Variants in LRP1B observed in about 807,000 individuals in gnomAD.
LRP1B encodes LDL receptor related protein 1B, also known as low-density lipoprotein receptor-related protein 1B.
A neutral mutation model predicts 556.6 loss-of-function variants in LRP1B; 217 were observed. The ratio of observed to expected loss-of-function variants is 0.39; its 90% CI spans 0.35 to 0.44. The LOEUF (loss-of-function observed/expected upper bound fraction) is 0.44. LRP1B is among the 20% of genes least tolerant of loss of function. The pLI is 1.00. For missense variants in LRP1B, 5,053 were observed against 5,620.8 expected (o/e 0.90, Z 3.23); for synonymous variants, 2,047 against 1,865.8 (o/e 1.10, Z -2.50).
rs1686587070 is a variant in LRP1B, at chr2:140,700,340, C to T, written c.6709G>A (p.Gly2237Ser). The T allele has an allele frequency of 6.2e-7, 1 of 1,612,930 alleles. No homozygotes were observed. Among genetic ancestry groups the T allele is most frequent in the Non-Finnish European group, 8.5e-7 (1 of 1,179,500 alleles). The change falls in exon 41 of 91, where the codon GGT becomes AGT. Residue 2237 changes from glycine to serine, a missense_variant. Physicochemically the swap from Gly to Ser is moderately conservative, Grantham distance 56. This residue lies in a region of LRP1B where 3,619 missense variants were observed against 3,931.9 expected (regional missense o/e 0.92). Transcript: ENST00000389484. ...TCACTGTAAAAGATTCGGTTGGTAC[C>T]TTTTCTTCTTTGATTATAGTCAAAA... Reference protein sequence around the residue: ...LAFDYNQRRKGTNRIFYSDAH... With the variant: ...LAFDYNQRRKSTNRIFYSDAH...
chr2:141,837,470 G>A (rs1697324035), intron 1 of LRP1B, among the ~76,000 whole-genome samples: 3 of 151,922 alleles, frequency 2.0e-5, no homozygotes, highest in African/African-American at 2.4e-5. Context: ...GAGAAGTTAT[G>A]ATGAAAAAAT....
At chr2:141,923,486 G>GTA (rs1700251766) in intron 1 of LRP1B, among the ~76,000 whole-genome samples, 1 of 60,746 alleles carries the variant, frequency 1.6e-5, no homozygotes, top group Non-Finnish European at 4.2e-5. Context: ...GTGTGTGTGT[G>GTA]TAGAGAGAGG....
At chr2:140,477,707 A>G (rs142712132) in intron 59 of LRP1B, among the ~76,000 whole-genome samples, 2 of 152,310 alleles carry the variant, frequency 1.3e-5, no homozygotes, top group African/African-American at 4.8e-5. Flanking sequence ...TAGTCTTACC[A>G]TCATCATGAA....
intron 63 of LRP1B, among the ~76,000 whole-genome samples, chr2:140,447,928 G>C (rs1686733954): frequency 6.6e-6 from 1 of 152,012 alleles, no homozygotes; most frequent in Admixed American, 6.6e-5. Flanking sequence ...GGGTTGGTAG[G>C]CAGCCAGAAC....
At chr2:141,226,955 A>G (rs1181111076) in intron 6 of LRP1B, among the ~76,000 whole-genome samples, 3 of 152,138 alleles carry the variant, frequency 2.0e-5, no homozygotes, top group Non-Finnish European at 4.4e-5. Context: ...CAAATTATTT[A>G]CTCAGATTAA....
At chr2:141,181,651 A>G (rs941330699) in intron 7 of LRP1B, among the ~76,000 whole-genome samples, 9 of 151,972 alleles carry the variant, frequency 5.9e-5, no homozygotes, top group Non-Finnish European at 8.8e-5. Flanking sequence ...GCGCAATGAG[A>G]GTCAAATCAA....
intron 3 of LRP1B, among the ~76,000 whole-genome samples, chr2:141,275,096 G>A (rs1685235083): frequency 6.6e-6 from 1 of 152,188 alleles, no homozygotes; most frequent in Non-Finnish European, 1.5e-5. Context: ...CAGGAGGCTG[G>A]TAAAAGGAAA....
intron 11 of LRP1B, among the ~76,000 whole-genome samples, chr2:141,042,279 ATGCTT>A (rs1399574429): frequency 6.6e-6 from 1 of 152,196 alleles, no homozygotes; most frequent in East Asian, 1.9e-4. Context: ...ATCAACAGGC[ATGCTT>A]ATTGTTAAGA....
At chr2:141,717,317 T>C (rs12691619) in intron 2 of LRP1B, among the ~76,000 whole-genome samples, 29,238 of 152,180 alleles carry the variant, frequency 0.19, 2,987 homozygotes, top group East Asian at 0.25. Flanking sequence ...AATACTAGTT[T>C]ACCTGCATGA....
At chr2:140,995,407 T>G (rs915999988) in intron 15 of LRP1B, among the ~76,000 whole-genome samples, 1 of 152,068 alleles carries the variant, frequency 6.6e-6, no homozygotes, top group Non-Finnish European at 1.5e-5. Context: ...ATTTGACTTT[T>G]AACAACTAAG....
intron 2 of LRP1B, among the ~76,000 whole-genome samples, chr2:141,640,191 G>T (rs1689279449): frequency 6.6e-6 from 1 of 151,950 alleles, no homozygotes; most frequent in Non-Finnish European, 1.5e-5. Flanking sequence ...GGATTCATTT[G>T]TTTCCCTGAG....
intron 7 of LRP1B, among the ~76,000 whole-genome samples, chr2:141,066,278 T>C (rs1014063122): frequency 6.6e-6 from 1 of 151,994 alleles, no homozygotes; most frequent in Non-Finnish European, 1.5e-5. Flanking sequence ...TGGGAAACTG[T>C]TTTTGTCTGA....
At chr2:140,678,433 C>T (rs1438735024) in intron 41 of LRP1B, among the ~76,000 whole-genome samples, 1 of 152,124 alleles carries the variant, frequency 6.6e-6, no homozygotes, top group African/African-American at 2.4e-5. Context: ...CATTTCTTAT[C>T]TGTGAGACTT....
At chr2:142,087,055 T>A (rs1419230025) in intron 1 of LRP1B, among the ~76,000 whole-genome samples, 1 of 152,198 alleles carries the variant, frequency 6.6e-6, no homozygotes, top group Non-Finnish European at 1.5e-5. Flanking sequence ...TCAGTTCCCT[T>A]GTTGGCTAAT....
intron 37 of LRP1B, among the ~76,000 whole-genome samples, chr2:140,710,193 T>C (rs1686984392): frequency 6.6e-6 from 1 of 152,064 alleles, no homozygotes; most frequent in Non-Finnish European, 1.5e-5. Flanking sequence ...GCTGAGTCAG[T>C]GCTGAGCTGG....
intron 1 of LRP1B, among the ~76,000 whole-genome samples, chr2:141,821,302 G>GA (rs1424495021): frequency 6.6e-6 from 1 of 152,202 alleles, no homozygotes; most frequent in Non-Finnish European, 1.5e-5. Context: ...TCACAGCCAA[G>GA]ACATCACAGG....
chr2:140,879,846 A>C (rs887337754), intron 25 of LRP1B, among the ~76,000 whole-genome samples: 2 of 151,942 alleles, frequency 1.3e-5, no homozygotes, highest in Non-Finnish European at 2.9e-5. Flanking sequence ...TGTCTGGATT[A>C]AACTGGGTCA....
intron 21 of LRP1B, among the ~76,000 whole-genome samples, chr2:140,915,582 T>C (rs970077027): frequency 4.0e-5 from 6 of 150,642 alleles, no homozygotes; most frequent in African/African-American, 1.5e-4. Context: ...AACCTGGGGG[T>C]TGGAGGTTGC....
At chr2:140,757,812 C>T (rs996718094) in intron 35 of LRP1B, among the ~76,000 whole-genome samples, 5 of 152,062 alleles carry the variant, frequency 3.3e-5, no homozygotes, top group East Asian at 1.9e-4. Context: ...ACCTGGGAGG[C>T]GGAGGTTGCA....
Sources: allele counts gnomAD v4.1 joint callset (sites outside exome capture counted in the v4.1 genomes callset), GRCh38; gene constraint gnomAD v4.1.1; regional missense constraint gnomAD v4.1.1; transcripts MANE v1.5; gene names NCBI Gene and HGNC (gene_info 2026-07-23, HGNC 2026-07-21).